Variants in PLA2G6 observed in about 807,000 individuals in gnomAD.
PLA2G6 encodes phospholipase A2 group VI, also known as 85/88 kDa calcium-independent phospholipase A2.
Under a neutral mutation model 83.8 loss-of-function variants are expected in PLA2G6, and 62 were observed. That is an observed-to-expected ratio of 0.74 (90% CI 0.60 to 0.91). The LOEUF is 0.91. PLA2G6 is among the 40% of genes least tolerant of loss of function. PLA2G6 has a pLI of 0.00. For synonymous variants in PLA2G6, 417 were observed against 449.8 expected (o/e 0.93, Z 0.92); for missense variants, 944 against 1,102.0 (o/e 0.86, Z 2.03).
chr22:38,165,042 C>T (rs1405386624), intron 2 of PLA2G6, among the ~76,000 whole-genome samples: 2 of 152,056 alleles, frequency 1.3e-5, no homozygotes, highest in Non-Finnish European at 2.9e-5. Flanking sequence ...GGCATTACTG[C>T]TTCTGGGACC....
In PLA2G6 at chr22:38,111,949, C is replaced by A; in HGVS notation, c.*212G>T. 1.6e-6 allele frequency: 1 copy of A among 616,366 alleles called. No homozygotes were observed. The highest frequency in any genetic ancestry group is 2.9e-6 in the Non-Finnish European group (1 of 346,710). 38.2% of individuals were successfully genotyped at this position (616,366 alleles called of 1,614,324 possible). On this transcript the variant is annotated 3_prime_UTR_variant, in exon 17 of 17. Coordinates refer to ENST00000332509, the MANE Select transcript of PLA2G6 (RefSeq NM_003560.4). ...CAAAGGGGGCTCTAGACTTTCCCAGCCTGGAATGACAGAAAGTGCTGGAAG... is the reference window on the plus strand; with the variant it reads ...CAAAGGGGGCTCTAGACTTTCCCAGACTGGAATGACAGAAAGTGCTGGAAG...
At chr22:38,161,576 G>A (rs899304472) in intron 2 of PLA2G6, among the ~76,000 whole-genome samples, 1 of 152,132 alleles carries the variant, frequency 6.6e-6, no homozygotes, top group Non-Finnish European at 1.5e-5. Context: ...GGAGATAATT[G>A]TTCAAATGGT....
At chr22:38,146,459 C>T (rs2089266018) in intron 2 of PLA2G6, 2 of 152,200 alleles carry the variant, frequency 1.3e-5, no homozygotes, top group Non-Finnish European at 2.9e-5. Context: ...ACTGGGATTA[C>T]AGGTGTGAGC....
At chr22:38,152,063 A>G (rs984290169) in intron 2 of PLA2G6, among the ~76,000 whole-genome samples, 2 of 152,170 alleles carry the variant, frequency 1.3e-5, no homozygotes, top group Admixed American at 1.3e-4. Context: ...CTCATGTTAA[A>G]TTTTGATTCC....
At chr22:38,148,883 T>TTC (rs1164292976) in intron 2 of PLA2G6, 2 of 202,384 alleles carry the variant, frequency 9.9e-6, no homozygotes, top group African/African-American at 5.0e-5. Context: ...TTTTTTTTTT[T>TTC]TGAGACGGAG....
intron 2 of PLA2G6, among the ~76,000 whole-genome samples, chr22:38,168,628 T>A (rs549302600): frequency 7.2e-5 from 11 of 152,282 alleles, no homozygotes; most frequent in East Asian, 5.8e-4. Context: ...GGTGGGCAGA[T>A]CACCTGAGGT....
In PLA2G6 at chr22:38,134,994, G is replaced by A. The variant is rs201078358; in HGVS notation, c.888C>T (p.Asn296=). ...YGASPLHWAK[N]AEMARMLLKR... is the part of the protein sequence containing the mutation. ...CACCTCAGGATCCACTCACCTCTGCGTTCTTGGCCCAGTGGAGGGGGCTGG... is the reference window on the plus strand; with the variant it reads ...CACCTCAGGATCCACTCACCTCTGCATTCTTGGCCCAGTGGAGGGGGCTGG... Residue 296 remains asparagine (N), a synonymous_variant, in exon 6 of 17, where the codon AAC becomes AAT. Transcript: ENST00000332509. 1.2e-4 allele frequency: 192 copies of A among 1,541,608 alleles called. 1 individual carries two copies. The highest frequency in any genetic ancestry group is 1.6e-4 in the Non-Finnish European group (182 of 1,119,930).
intron 2 of PLA2G6, among the ~76,000 whole-genome samples, chr22:38,158,969 C>T (rs367549137): frequency 6.6e-6 from 1 of 151,670 alleles, no homozygotes; most frequent in African/African-American, 2.4e-5. Context: ...GAGGCCGAGG[C>T]GGGTGGATCA....
intron 2 of PLA2G6, among the ~76,000 whole-genome samples, chr22:38,167,515 T>G (rs2090266769): frequency 6.7e-6 from 1 of 149,622 alleles, no homozygotes; most frequent in East Asian, 2.0e-4. Flanking sequence ...GCTGCCCTGG[T>G]CAGCTGTGCC....
chr22:38,142,280 T>C (rs2088963782), intron 4 of PLA2G6: 1 of 149,950 alleles, frequency 6.7e-6, no homozygotes, highest in Non-Finnish European at 1.5e-5. Flanking sequence ...AGAGAGAACA[T>C]GATCTTTAGA....
At chr22:38,118,508 T>C (rs867315197) in intron 12 of PLA2G6, among the ~76,000 whole-genome samples, 6 of 152,312 alleles carry the variant, frequency 3.9e-5, no homozygotes, top group Non-Finnish European at 7.3e-5. Context: ...GTTAAACTCA[T>C]AGGAAGAGAA....
chr22:38,145,443 G>C lies in PLA2G6; in HGVS notation c.420C>G (p.Ile140Met), dbSNP rs1431819736. 6.2e-7 allele frequency: 1 copy of C among 1,605,350 alleles called. No homozygotes were observed. The highest frequency in any genetic ancestry group is 8.5e-7 in the Non-Finnish European group (1 of 1,176,672). The change falls in exon 3 of 17, where the codon ATC (isoleucine) becomes ATG (methionine). Residue 140 changes from isoleucine to methionine, a missense_variant. Physicochemically the swap from Ile to Met is conservative, Grantham distance 10. Transcript: ENST00000332509. ...GIRECFHHSR[I>M]ISCANCAENE... ...GGTCTTGTTCCCTTGCTCACCTGAT[G>C]ATACGGCTGTGATGGAAGCACTCGC...
In PLA2G6 at chr22:38,112,169, A is replaced by T; in HGVS notation, c.2413T>A (p.Ser805Thr). Residue 805 changes from serine to threonine, a missense_variant, in exon 17 of 17, where the codon TCA becomes ACA. Transcript: ENST00000332509. ...EFQKLIQLLL[S>T]P is the part of the protein sequence containing the mutation. ...TGAGAGGCTGGGGACCCTCAGGGTG[A>T]GAGCAGCAGCTGGATGAGCTTCTGG... The T allele has an allele frequency of 1.3e-6, 2 of 1,584,048 alleles. No individual in the cohort carries two copies. The highest frequency in any genetic ancestry group is 1.7e-6 in the Non-Finnish European group (2 of 1,165,546).
At chr22:38,158,862 C>T (rs957751114) in intron 2 of PLA2G6, among the ~76,000 whole-genome samples, 2 of 152,152 alleles carry the variant, frequency 1.3e-5, no homozygotes, top group African/African-American at 2.4e-5. Flanking sequence ...GGAGGTAATT[C>T]GATCATCAGG....
intron 7 of PLA2G6, chr22:38,131,904 C>T: frequency 3.0e-6 from 1 of 331,776 alleles, no homozygotes; most frequent in Non-Finnish European, 5.9e-6. Flanking sequence ...CTGGCCAACA[C>T]AGGAGTTCGA....
chr22:38,129,394 T>C, intron 8 of PLA2G6, 60 bp downstream of exon 8: 1 of 1,183,036 alleles, frequency 8.5e-7, no homozygotes, highest in South Asian at 1.2e-5. Context: ...TCCCTCCTCC[T>C]CGGTCCCTGT....
rs759132756 is a variant in PLA2G6 at position 38,120,915 on chromosome 22, A to T, written c.1592-6T>A. 6.2e-7 allele frequency: 1 copy of T among 1,613,268 alleles called. No homozygotes were observed. The highest frequency in any genetic ancestry group is 1.1e-5 in the South Asian group (1 of 91,086). ...CATGTAGGCCATGGACTTACCTAGG[A>T]ACAAAGGGGTCAGAGGCGGGGAGAT... On this transcript the variant is annotated splice_polypyrimidine_tract_variant and splice_region_variant and intron_variant, in intron 11 of 16. Coordinates refer to ENST00000332509, the MANE Select transcript of PLA2G6 (RefSeq NM_003560.4).
chr22:38,163,040 G>C (rs879268181), intron 2 of PLA2G6, among the ~76,000 whole-genome samples: 2 of 152,158 alleles, frequency 1.3e-5, no homozygotes, highest in Non-Finnish European at 2.9e-5. Context: ...CTGTGGCTAA[G>C]CCTCAGGGGA....
At chr22:38,112,887 TC>T in intron 15 of PLA2G6, 7 of 473,100 alleles carry the variant, frequency 1.5e-5, no homozygotes, top group East Asian at 3.5e-5. Flanking sequence ...CCTCCCTCCC[TC>T]CTCTCTCTCT....
Sources: allele counts gnomAD v4.1 joint callset (sites outside exome capture counted in the v4.1 genomes callset), GRCh38; gene constraint gnomAD v4.1.1; transcripts MANE v1.5; gene names NCBI Gene and HGNC (gene_info 2026-07-23, HGNC 2026-07-21).